The following ANK3 variants were observed in gnomAD, a reference collection of about 807,000 sequenced individuals.
The protein encoded by ANK3 is ankyrin-3.
Under a neutral mutation model 370.9 loss-of-function variants are expected in ANK3, and 57 were observed. The observed-to-expected ratio is 0.15, with a 90% CI of 0.12 to 0.19. ANK3 has a LOEUF of 0.19. Among genes scored for constraint, ANK3 ranks in the 10% least tolerant of loss-of-function variants. The pLI, the probability that ANK3 is intolerant of heterozygous loss-of-function variation, is 1.00. For missense variants in ANK3, 4,439 were observed against 5,302.1 expected, an observed-to-expected ratio of 0.84 and a Z score of 5.06; for synonymous variants, 1,929 against 1,946.3, an observed-to-expected ratio of 0.99 and a Z score of 0.23.
chr10:60,516,733 T>G (rs1258911793), intron 2 of ANK3, among the ~76,000 whole-genome samples: 1 of 152,108 alleles, frequency 6.6e-6, no homozygotes, highest in African/African-American at 2.4e-5. Flanking sequence ...TGCCTGTGAA[T>G]AGCCACTGCA....
At chr10:60,244,432 A>T (rs1270964808) in intron 7 of ANK3, among the ~76,000 whole-genome samples, 1 of 152,178 alleles carries the variant, frequency 6.6e-6, no homozygotes, top group Admixed American at 6.5e-5. Context: ...CTCCCACTGA[A>T]GACAAATTCT....
At chr10:60,247,610 A>G (rs2097577246) in intron 7 of ANK3, among the ~76,000 whole-genome samples, 1 of 152,134 alleles carries the variant, frequency 6.6e-6, no homozygotes, top group Non-Finnish European at 1.5e-5. Context: ...GTTAAGTGCA[A>G]TCATAGTATT....
intron 7 of ANK3, among the ~76,000 whole-genome samples, chr10:60,240,167 T>TATATATGC (rs2097420475): frequency 7.7e-6 from 1 of 129,186 alleles, no homozygotes; most frequent in African/African-American, 3.4e-5. Flanking sequence ...TATATACACA[T>TATATATGC]ATATATACAT....
At position 60,198,421 on chromosome 10, in the gene ANK3, A is replaced by C. The variant is rs541510277; in HGVS notation, c.1608T>G (p.Leu536=). The C allele has an allele frequency of 6.2e-7, 1 of 1,614,196 alleles. No individual in the cohort carries two copies. The highest frequency in any genetic ancestry group is 8.5e-7 in the Non-Finnish European group (1 of 1,180,030). ...CATGCCCCTCTCGGGCGGAAAGGTG[A>C]AGTGGGGTGTACCCAGAAGTTGTGG... ...NAATTSGYTP[L]HLSAREGHED... Residue 536 remains leucine (L), a synonymous_variant, in exon 14 of 44, where the codon CTT becomes CTG. Coordinates refer to ENST00000280772, the MANE Select transcript of ANK3 (RefSeq NM_020987.5).
chr10:60,535,578 G>C (rs2076706143), intron 2 of ANK3, among the ~76,000 whole-genome samples: 1 of 151,938 alleles, frequency 6.6e-6, no homozygotes, highest in Non-Finnish European at 1.5e-5. Flanking sequence ...TAAAGAGGAG[G>C]GGCTGTAATT....
intron 7 of ANK3, among the ~76,000 whole-genome samples, chr10:60,259,340 A>G (rs2132633571): frequency 6.6e-6 from 1 of 152,288 alleles, no homozygotes; most frequent in East Asian, 1.9e-4. Flanking sequence ...GCCTCCTATT[A>G]AATAAAATCA....
chr10:60,576,510 G>A (rs2077684879), intron 2 of ANK3, among the ~76,000 whole-genome samples: 1 of 152,018 alleles, frequency 6.6e-6, no homozygotes, highest in Non-Finnish European at 1.5e-5. Flanking sequence ...CTGACATGAA[G>A]GTATATCACA....
At chr10:60,607,416 A>T (rs1013952639) in intron 2 of ANK3, among the ~76,000 whole-genome samples, 1 of 150,258 alleles carries the variant, frequency 6.7e-6, no homozygotes, top group Non-Finnish European at 1.5e-5. Context: ...TTTCTAATAT[A>T]AAAAAAAAAT....
intron 39 of ANK3, 109 bp downstream of exon 39, chr10:60,064,047 TA>T: frequency 3.7e-6 from 4 of 1,074,104 alleles, no homozygotes; most frequent in Non-Finnish European, 5.1e-6. Flanking sequence ...TTTTCTATAT[TA>T]AAGATTACAG....
intron 7 of ANK3, among the ~76,000 whole-genome samples, chr10:60,239,234 T>C (rs773615619): frequency 6.6e-5 from 10 of 152,062 alleles, no homozygotes; most frequent in East Asian, 1.9e-4. Flanking sequence ...AGATAATGAA[T>C]GGTCAAGAAT....
chr10:60,677,879 C>T (rs547767126), intron 1 of ANK3, among the ~76,000 whole-genome samples: 2 of 152,162 alleles, frequency 1.3e-5, no homozygotes, highest in East Asian at 3.9e-4. Flanking sequence ...CTTTCAAATG[C>T]TAGATCCTGC....
intron 1 of ANK3, among the ~76,000 whole-genome samples, chr10:60,340,284 A>C (rs961380830): frequency 1.3e-5 from 2 of 152,176 alleles, no homozygotes; most frequent in Non-Finnish European, 2.9e-5. Context: ...AGAGTACTGA[A>C]CTATAATGGC....
intron 1 of ANK3, among the ~76,000 whole-genome samples, chr10:60,335,162 TTC>T (rs1459136495): frequency 6.6e-6 from 1 of 152,098 alleles, no homozygotes; most frequent in Non-Finnish European, 1.5e-5. Context: ...TATGGAATGC[TTC>T]CCGAGTTTGC....
intron 1 of ANK3, among the ~76,000 whole-genome samples, chr10:60,726,234 A>T (rs1282495037): frequency 6.7e-6 from 1 of 149,700 alleles, no homozygotes; most frequent in East Asian, 1.9e-4. Context: ...AGACACAGTT[A>T]GGTGATTTGC....
intron 8 of ANK3, 113 bp downstream of exon 8, chr10:60,234,575 A>G (rs1369768752): frequency 1.1e-5 from 7 of 618,004 alleles, no homozygotes; most frequent in Non-Finnish European, 1.8e-5. Flanking sequence ...CCAAGAGACT[A>G]TAACAAATAG....
chr10:60,078,822 T>C (rs17208611), intron 36 of ANK3, among the ~76,000 whole-genome samples: 11,033 of 152,262 alleles, frequency 0.072, 562 homozygotes, highest in Non-Finnish European at 0.11. Flanking sequence ...TTCATTCCCT[T>C]GTTTACCACC....
chr10:60,616,364 A>G (rs1043593350), intron 1 of ANK3, among the ~76,000 whole-genome samples: 8 of 152,312 alleles, frequency 5.3e-5, no homozygotes, highest in Non-Finnish European at 1.0e-4. Flanking sequence ...ATGAAAATCA[A>G]TCATAGTCCT....
chr10:60,436,666 CATT>C (rs1299499398), intron 2 of ANK3, among the ~76,000 whole-genome samples: 1 of 152,112 alleles, frequency 6.6e-6, no homozygotes, highest in Non-Finnish European at 1.5e-5. Flanking sequence ...ATCTTTGTAT[CATT>C]GAGTTGCAAG....
At position 60,559,659 on chromosome 10, in the gene ANK3, G is replaced by A. The variant is rs150865905; in HGVS notation, c.96+55527C>T. On this transcript the variant is annotated intron_variant, in intron 2 of 43. Transcript: ENST00000373827. ...TCTAATATATGTGATTCCATTCTCT[G>A]CTCTTTCCAGGTCACCGTGCAGAGT... Among the ~76,000 whole-genome samples, 16 of 152,208 alleles carry A rather than the reference G, an allele frequency of 1.1e-4. No individual in the cohort carries two copies. The East Asian group carries it at 2.7e-3, about 26-fold the overall frequency.
Sources: allele counts gnomAD v4.1 joint callset (sites outside exome capture counted in the v4.1 genomes callset), GRCh38; gene constraint gnomAD v4.1.1; transcripts MANE v1.5; gene names NCBI Gene and HGNC (gene_info 2026-07-23, HGNC 2026-07-21).